The following ALS2 variants were observed in gnomAD, a reference collection of about 807,000 sequenced individuals.
ALS2 encodes the protein alsin Rho guanine nucleotide exchange factor ALS2, also known as alsin.
A neutral mutation model predicts 203.4 loss-of-function variants in ALS2; 117 were observed. The ratio of observed to expected loss-of-function variants is 0.58; its 90% confidence interval spans 0.50 to 0.67. The LOEUF (loss-of-function observed/expected upper bound fraction) is 0.67, where lower values mean the gene tolerates loss of function less well. ALS2 is among the 30% of genes least tolerant of loss of function. ALS2 has a pLI of 0.00. For synonymous variants in ALS2, 718 were observed against 725.9 expected, an observed-to-expected ratio of 0.99 and a Z score of 0.17; for missense variants, 1,715 against 1,989.4, an observed-to-expected ratio of 0.86 and a Z score of 2.62.
rs533124954 is a variant in ALS2 at position 201,768,420 on chromosome 2, C to T, written c.20+446G>A. Among the ~76,000 whole-genome samples the T allele has an allele frequency of 2.6e-5, 4 of 152,256 alleles. No individual in the cohort carries two copies. In the South Asian group the frequency reaches 8.3e-4, roughly 32 times the overall value. On this transcript the variant is annotated intron_variant, in intron 2 of 33. Transcript: ENST00000264276. The stretch of plus-strand genomic sequence containing the variant: ...CTGATGCCAAAATTTTAATGAGGCA[C>T]AGAAACTCTTTTGAATAGCTAAGCA...
chr2:201,720,902 T>C (rs552108073), intron 23 of ALS2, among the ~76,000 whole-genome samples: 100 of 152,290 alleles, frequency 6.6e-4, no homozygotes, highest in Non-Finnish European at 1.3e-3. Context: ...AAAAATGTCT[T>C]TACTTGTAGG....
Position 201,723,415 on chromosome 2 carries a change from T to C in ALS2, c.3539A>G (p.Gln1180Arg). ...TRGEKYMGMW[Q>R]DDVCQGNGVV... is the part of the protein sequence containing the mutation. ...ACCATTCCCTTGACACACATCATCTTGCCACATTCCCATATACTTTTCCCC... is the reference window on the plus strand; with the variant it reads ...ACCATTCCCTTGACACACATCATCTCGCCACATTCCCATATACTTTTCCCC... Residue 1180 changes from glutamine to arginine, a missense_variant, in exon 22 of 34, where the codon CAA (glutamine) becomes CGA (arginine). Physicochemically the swap from Gln to Arg is conservative, Grantham distance 43. Around this residue, in one of 3 missense-constraint regions of ALS2, gnomAD observed 1,227 missense variants for 1,413.5 expected, o/e 0.87. Transcript: ENST00000264276. 1.2e-6 allele frequency: 2 copies of C among 1,614,084 alleles called. No homozygotes were observed. Among genetic ancestry groups the C allele is most frequent in the Non-Finnish European group, 1.7e-6 (2 of 1,179,988 alleles).
chr2:201,706,977 A>C lies in ALS2; in HGVS notation c.4449T>G (p.Pro1483=). The change falls in exon 29 of 34, where the codon CCT becomes CCG. Residue 1483 remains proline, a synonymous_variant. Transcript: ENST00000264276. The part of the protein sequence containing the change: ...SSGLLLPVLL[P]RLYPPLFMLY... ...GCATAAACAGCGGTGGGTAGAGCCGAGGTAGCAGCACAGGAAGCAATAATC... is the reference window on the plus strand; with the variant it reads ...GCATAAACAGCGGTGGGTAGAGCCGCGGTAGCAGCACAGGAAGCAATAATC... The C allele has an allele frequency of 6.2e-7, 1 of 1,614,042 alleles. No homozygotes were observed. Among genetic ancestry groups the C allele is most frequent in the South Asian group, 1.1e-5 (1 of 91,084 alleles).
chr2:201,726,823 A>C lies in ALS2; in HGVS notation c.3023T>G (p.Leu1008Trp), dbSNP rs1263541960. Reference sequence around the variant, plus strand: ...AGGGGGGAGATCAGACATCCCTCTCAAAGCCTGATCTACGGCTTGGCTTAT... The same window carrying C: ...AGGGGGGAGATCAGACATCCCTCTCCAAGCCTGATCTACGGCTTGGCTTAT... ...RAISQAVDQA[L>W]RGMSDLPPYG... is the part of the protein sequence containing the mutation. Residue 1008 changes from leucine to tryptophan, a missense_variant, in exon 18 of 34, where the codon TTG (leucine) becomes TGG (tryptophan). Physicochemically the swap from Leu to Trp is moderately conservative, Grantham distance 61 (BLOSUM62 -2). Coordinates refer to ENST00000264276, the MANE Select transcript of ALS2 (RefSeq NM_020919.4). 1.2e-6 allele frequency: 2 copies of C among 1,614,026 alleles called. No individual in the cohort carries two copies. The highest frequency in any genetic ancestry group is 2.7e-5 in the African/African-American group (2 of 74,918).
chr2:201,739,959 T>C (rs1014266202), intron 11 of ALS2, among the ~76,000 whole-genome samples: 4 of 152,142 alleles, frequency 2.6e-5, no homozygotes, highest in African/African-American at 9.7e-5. Flanking sequence ...CTAGTAAAAT[T>C]AGCCCACAGT....
Position 201,768,949 on chromosome 2 carries a change from A to G in ALS2, c.-60-4T>C. On this transcript the variant is annotated splice_polypyrimidine_tract_variant and splice_region_variant and intron_variant, in intron 1 of 33. Coordinates refer to ENST00000264276, the MANE Select transcript of ALS2 (RefSeq NM_020919.4). Reference sequence around the variant, plus strand: ...TTTACAGAAAGTCTATCAAGACCTAAACAGTACAAGTAAGGAAAAGAGCAG... The same window carrying G: ...TTTACAGAAAGTCTATCAAGACCTAGACAGTACAAGTAAGGAAAAGAGCAG... The G allele has an allele frequency of 6.6e-7, 1 of 1,511,368 alleles. No homozygotes were observed. Among genetic ancestry groups the G allele is most frequent in the South Asian group, 1.1e-5 (1 of 88,164 alleles). The allele number at this position is 1,511,368 out of a possible 1,614,324, so 93.6% of individuals were successfully genotyped here.
At chr2:201,721,645 T>C (rs1664397403) in intron 23 of ALS2, among the ~76,000 whole-genome samples, 1 of 150,464 alleles carries the variant, frequency 6.6e-6, no homozygotes, top group Admixed American at 6.6e-5. Context: ...CAGACCTAAA[T>C]ATAAAAGGCA....
intron 19 of ALS2, 89 bp downstream of exon 19, chr2:201,726,394 TG>T: frequency 8.5e-7 from 1 of 1,175,750 alleles, no homozygotes; most frequent in Non-Finnish European, 1.3e-6. Flanking sequence ...ATCTACTACT[TG>T]TTTGAAAAGC....
At chr2:201,749,227 A>G (rs1011559222) in intron 8 of ALS2, among the ~76,000 whole-genome samples, 1 of 152,144 alleles carries the variant, frequency 6.6e-6, no homozygotes, top group African/African-American at 2.4e-5. Flanking sequence ...GTAAAAAAAA[A>G]AAAAATTCAC....
chr2:201,707,817 A>G, intron 28 of ALS2, 52 bp downstream of exon 28: 1 of 1,600,752 alleles, frequency 6.2e-7, no homozygotes, highest in Non-Finnish European at 8.5e-7. Context: ...TTTGAGTAAG[A>G]TCATCTAGTC....
At chr2:201,749,877 A>T in intron 7 of ALS2, 88 bp from the exon 8 acceptor site, 1 of 966,552 alleles carries the variant, frequency 1.0e-6, no homozygotes, top group Non-Finnish European at 1.7e-6. Flanking sequence ...TAACATATAT[A>T]CACAAATACC....
At chr2:201,724,595 C>G (rs1691030097) in intron 20 of ALS2, 136 bp from the exon 21 acceptor site, 1 of 947,978 alleles carries the variant, frequency 1.1e-6, no homozygotes, top group Non-Finnish European at 1.6e-6. Context: ...TTATTTTTCA[C>G]CAATTAAAAA....
intron 11 of ALS2, chr2:201,741,464 A>G (rs1379217888): frequency 7.2e-6 from 4 of 556,374 alleles, no homozygotes; most frequent in Admixed American, 6.0e-5. Flanking sequence ...AGAAAACATG[A>G]TAATTCATTA....
intron 23 of ALS2, among the ~76,000 whole-genome samples, chr2:201,720,537 TACA>T (rs1342792830): frequency 3.0e-5 from 1 of 33,618 alleles, no homozygotes; most frequent in Non-Finnish European, 5.3e-5. Context: ...ACTCTGTCTC[TACA>T]AAAAAAAAAA....
intron 1 of ALS2, among the ~76,000 whole-genome samples, chr2:201,769,200 C>T (rs1694252387): frequency 6.6e-6 from 1 of 152,152 alleles, no homozygotes; most frequent in African/African-American, 2.4e-5. Flanking sequence ...TTAAGCTGTA[C>T]TCTTCCAGGC....
At position 201,700,319 on chromosome 2, in the gene ALS2, T is replaced by C. The variant is rs1689310440; in HGVS notation, c.*1532A>G. Among the ~76,000 whole-genome samples the C allele has an allele frequency of 6.6e-6, 1 of 152,218 alleles. No individual in the cohort carries two copies. The highest frequency in any genetic ancestry group is 1.5e-5 in the Non-Finnish European group (1 of 68,040). ...AATAATAGATTTCTTTGGAGACCCG[T>C]GTCCTTGGGTTATTGGGGTCAGAAA... On this transcript the variant is annotated 3_prime_UTR_variant, in exon 34 of 34. Coordinates refer to ENST00000264276, the MANE Select transcript of ALS2 (RefSeq NM_020919.4).
intron 1 of ALS2, 52 bp from the exon 2 acceptor site, chr2:201,768,997 G>C (rs1263218037): frequency 2.5e-6 from 2 of 812,694 alleles, no homozygotes; most frequent in East Asian, 3.0e-5. Context: ...TTACCCCTCA[G>C]ACATTAAAAA....
In ALS2 at chr2:201,761,133, T is replaced by C. The variant is rs780368192; in HGVS notation, c.861A>G (p.Glu287=). The C allele has an allele frequency of 7.4e-6, 12 of 1,614,254 alleles. No homozygotes were observed. In the East Asian group the frequency reaches 2.2e-4, roughly 30 times the overall value. The part of the protein sequence containing the change: ...SPSTETLDRQ[E]EVFENTLVAN... ...CTACAAGAGTGTTCTCAAATACTTCTTCCTGCCTGTCAAGGGTTTCAGTGG... is the reference window on the plus strand; with the variant it reads ...CTACAAGAGTGTTCTCAAATACTTCCTCCTGCCTGTCAAGGGTTTCAGTGG... The change falls in exon 4 of 34, where the codon GAA becomes GAG. Residue 287 remains glutamate (E), a synonymous_variant. Transcript: ENST00000264276.
chr2:201,701,910 A>C (rs202086297), intron 33 of ALS2, 21 bp from the exon 34 acceptor site: 7 of 1,612,438 alleles, frequency 4.3e-6, no homozygotes, highest in Non-Finnish European at 5.9e-6. Context: ...AGTTCAAAAT[A>C]ATTTCAAATT....
Sources: allele counts gnomAD v4.1 joint callset (sites outside exome capture counted in the v4.1 genomes callset), GRCh38; gene constraint gnomAD v4.1.1; regional missense constraint gnomAD v4.1.1; transcripts MANE v1.5; gene names NCBI Gene and HGNC (gene_info 2026-07-23, HGNC 2026-07-21).